The following ODR4 variants were observed in gnomAD, a reference collection of about 807,000 sequenced individuals.
ODR4 encodes protein odr-4 homolog.
ODR4 carries 47 observed loss-of-function variants against 60.2 expected under a neutral mutation model. That is an observed-to-expected ratio of 0.78 (90% CI 0.62 to 1.00). ODR4 has a LOEUF of 1.00. Ranked by LOEUF, ODR4 falls within the 50% of genes least tolerant of loss-of-function variation. The pLI, the probability that ODR4 is intolerant of heterozygous loss-of-function variation, is 0.00. For missense variants in ODR4, 488 were observed against 530.8 expected, an observed-to-expected ratio of 0.92 and a Z score of 0.79; for synonymous variants, 178 against 175.5, an observed-to-expected ratio of 1.01 and a Z score of -0.11.
chr1:186,404,623 C>G (rs779629913), intron 11 of ODR4, among the ~76,000 whole-genome samples: 2 of 152,198 alleles, frequency 1.3e-5, no homozygotes, highest in African/African-American at 2.4e-5. Context: ...TAATATTCTT[C>G]TACAGCTAGG....
At chr1:186,383,242 A>G (rs1305488853) in intron 3 of ODR4, 86 bp downstream of exon 3, 1 of 1,390,588 alleles carries the variant, frequency 7.2e-7, no homozygotes, top group Non-Finnish European at 9.7e-7. Context: ...AGTAGAGAGA[A>G]GAGACATAGG....
downstream of ODR4, among the ~76,000 whole-genome samples, chr1:186,424,184 C>T (rs144228378): frequency 1.1e-4 from 16 of 152,258 alleles, no homozygotes; most frequent in African/African-American, 3.6e-4. Context: ...AAACAAATTA[C>T]GGGTTTTGTA....
rs139494671 is a variant in ODR4, at chr1:186,384,997, A to G, written c.235-991A>G. 2.0e-5 allele frequency among the ~76,000 whole-genome samples: 3 copies of G among 152,242 alleles called. No individual in the cohort carries two copies. The East Asian group carries it at 5.8e-4, about 29-fold the overall frequency. Reference sequence around the variant, plus strand: ...ATAGAAAAAAATCCATGTGGTATTAAGAACTAGCCACAATCATGTGAAGGG... The same window carrying G: ...ATAGAAAAAAATCCATGTGGTATTAGGAACTAGCCACAATCATGTGAAGGG... On this transcript the variant is annotated intron_variant, in intron 3 of 13. Transcript: ENST00000287859.
intron 9 of ODR4, among the ~76,000 whole-genome samples, chr1:186,396,720 T>TAGATAGATAGATAG (rs1660692975): frequency 6.9e-6 from 1 of 144,782 alleles, no homozygotes; most frequent in Non-Finnish European, 1.5e-5. Flanking sequence ...ATGCCATAAT[T>TAGATAGATAGATAG]ATAGATAGAT....
At chr1:186,422,188 G>A (rs1323825588), downstream of ODR4, among the ~76,000 whole-genome samples, 1 of 151,984 alleles carries the variant, frequency 6.6e-6, no homozygotes, top group Non-Finnish European at 1.5e-5. Flanking sequence ...CTAAAAACTT[G>A]TGTAGCTTTA....
chr1:186,428,537 A>G, the ODR4 span, among the ~76,000 whole-genome samples: 6 of 152,174 alleles, frequency 3.9e-5, no homozygotes, highest in Non-Finnish European at 8.8e-5. Flanking sequence ...TCACTTATTC[A>G]TATGTTCACT....
chr1:186,425,867 T>C (rs1311507426), downstream of ODR4, among the ~76,000 whole-genome samples: 1 of 152,200 alleles, frequency 6.6e-6, no homozygotes, highest in African/African-American at 2.4e-5. Context: ...GAAAAGATGT[T>C]CTACACACTT....
intron 12 of ODR4, among the ~76,000 whole-genome samples, chr1:186,415,787 A>T (rs187675471): frequency 1.3e-5 from 2 of 152,356 alleles, no homozygotes; most frequent in Middle Eastern, 3.4e-3. Context: ...ATAAATTCGG[A>T]TAGGCCAACC....
At chr1:186,408,659 CAA>C (rs1180887631) in intron 12 of ODR4, among the ~76,000 whole-genome samples, 2 of 148,968 alleles carry the variant, frequency 1.3e-5, no homozygotes, top group Non-Finnish European at 3.0e-5. Context: ...ATAATATAAA[CAA>C]TATACAAAAA....
At chr1:186,408,661 A>G (rs542980848) in intron 12 of ODR4, among the ~76,000 whole-genome samples, 1 of 150,232 alleles carries the variant, frequency 6.7e-6, no homozygotes, top group African/African-American at 2.4e-5. Context: ...AATATAAACA[A>G]TATACAAAAA....
chr1:186,390,757 C>T lies in ODR4; in HGVS notation c.521C>T (p.Ser174Phe). The T allele has an allele frequency of 1.2e-6, 2 of 1,613,332 alleles. No homozygotes were observed. Among genetic ancestry groups the T allele is most frequent in the Non-Finnish European group, 1.7e-6 (2 of 1,179,454 alleles). ...TGGAAGTATCAAAGTGGATTATCAT[C>T]CTCATGGCTTTCTTTAGAGTGTACA... ...ADWKYQSGLS[S>F]SWLSLECTVH... The change falls in exon 7 of 14, where the codon TCC (serine) becomes TTC (phenylalanine). Residue 174 changes from serine (S) to phenylalanine (F), a missense_variant. Ser to Phe is a radical substitution (Grantham distance 155). Transcript: ENST00000287859.
chr1:186,404,639 G>A (rs966675096), intron 11 of ODR4, among the ~76,000 whole-genome samples: 45 of 152,326 alleles, frequency 3.0e-4, no homozygotes, highest in African/African-American at 1.1e-3. Flanking sequence ...CTAGGAGGCA[G>A]TCTGGTCAAA....
At chr1:186,376,334 C>T (rs1558051934) in intron 1 of ODR4, among the ~76,000 whole-genome samples, 1 of 152,162 alleles carries the variant, frequency 6.6e-6, no homozygotes, top group South Asian at 2.1e-4. Flanking sequence ...TTTTTAAACA[C>T]ATTGTTAATT....
At chr1:186,409,850 G>GT in intron 12 of ODR4, among the ~76,000 whole-genome samples, 1 of 152,010 alleles carries the variant, frequency 6.6e-6, no homozygotes, top group East Asian at 1.9e-4. Context: ...AGCCAATAGA[G>GT]TTTTTTAAAA....
Position 186,401,496 on chromosome 1 carries a change from CTT to C in ODR4, c.1000+2454_1000+2455del, listed in dbSNP as rs1660946351. On this transcript the variant is annotated intron_variant, in intron 11 of 13. Transcript: ENST00000287859. ...TCTGTCTTTCTTTCTCTCTTTCTTT[CTT>C]TCTCTCTCTCTCTCTCTCCTTCCTT... The C allele has an allele frequency of 9.3e-5, 19 of 203,818 alleles. No homozygotes were observed. The South Asian group carries it at 1.3e-3, about 14-fold the overall frequency. 12.6% of individuals were successfully genotyped at this position (203,818 alleles called of 1,614,324 possible).
chr1:186,424,005 A>G (rs1571710899), downstream of ODR4, among the ~76,000 whole-genome samples: 1 of 152,180 alleles, frequency 6.6e-6, no homozygotes, highest in Non-Finnish European at 1.5e-5. Flanking sequence ...TGAGCTCAGA[A>G]AGCAATTTGG....
chr1:186,394,081 T>G lies in ODR4; in HGVS notation c.780+66T>G. 3 of 951,108 alleles carry G rather than the reference T, an allele frequency of 3.2e-6. No homozygotes were observed. The South Asian group carries it at 4.8e-5, about 15-fold the overall frequency. 58.9% of individuals were successfully genotyped at this position (951,108 alleles called of 1,614,324 possible). On this transcript the variant is annotated intron_variant, in intron 9 of 13. Transcript: ENST00000287859. ...AACCATAATGAAACTGTTTCTGTTTTTATTTTTCTCATTAGAGAATAAAAG... is the reference window on the plus strand; with the variant it reads ...AACCATAATGAAACTGTTTCTGTTTGTATTTTTCTCATTAGAGAATAAAAG...
intron 11 of ODR4, among the ~76,000 whole-genome samples, chr1:186,404,951 A>G (rs1224945916): frequency 6.6e-6 from 1 of 152,230 alleles, no homozygotes; most frequent in East Asian, 1.9e-4. Context: ...GGATCGTAGC[A>G]TTTAACTAAA....
downstream of ODR4, among the ~76,000 whole-genome samples, chr1:186,421,879 A>AG (rs527764171): frequency 2.6e-3 from 345 of 135,128 alleles, 24 homozygotes; most frequent in East Asian, 8.3e-3. Context: ...AAAAAAAAAA[A>AG]ATGATGAATC....
Sources: allele counts gnomAD v4.1 joint callset (sites outside exome capture counted in the v4.1 genomes callset), GRCh38; gene constraint gnomAD v4.1.1; transcripts MANE v1.5; gene names NCBI Gene and HGNC (gene_info 2026-07-23, HGNC 2026-07-21).